NCOA6: variants seen among roughly 807,000 people sequenced by gnomAD.
NCOA6 encodes the protein nuclear receptor coactivator 6, also known as NRC RAP250.
Under a neutral mutation model 171.4 loss-of-function variants are expected in NCOA6, and 49 were observed. The ratio of observed to expected loss-of-function variants is 0.29; its 90% CI spans 0.23 to 0.36. The LOEUF (loss-of-function observed/expected upper bound fraction) is 0.36. Ranked by LOEUF, NCOA6 falls within the 10% of genes least tolerant of loss-of-function variation. The pLI is 1.00. For missense variants in NCOA6, 2,248 were observed against 2,554.5 expected (o/e 0.88, Z 2.59); for synonymous variants, 910 against 927.5 (o/e 0.98, Z 0.34).
At chr20:34,816,073 C>T (rs2078825834) in intron 1 of NCOA6, among the ~76,000 whole-genome samples, 3 of 152,194 alleles carry the variant, frequency 2.0e-5, no homozygotes, top group African/African-American at 7.2e-5. Context: ...CTCAACAAAC[C>T]AGCAAATCAG....
At chr20:34,804,164 C>A (rs1236587221) in intron 1 of NCOA6, among the ~76,000 whole-genome samples, 1 of 151,874 alleles carries the variant, frequency 6.6e-6, no homozygotes, top group African/African-American at 2.4e-5. Flanking sequence ...TGGTGAAACG[C>A]CATCACTACT....
intron 13 of NCOA6, among the ~76,000 whole-genome samples, chr20:34,730,686 T>C (rs943096627): frequency 6.6e-6 from 1 of 150,690 alleles, no homozygotes; most frequent in Non-Finnish European, 1.5e-5. Flanking sequence ...TTATTGACTA[T>C]GCTATTTAAT....
chr20:34,735,691 A>G (rs1420521845), intron 12 of NCOA6, among the ~76,000 whole-genome samples: 4 of 152,078 alleles, frequency 2.6e-5, no homozygotes, highest in Admixed American at 6.6e-5. Flanking sequence ...TAGGTGGCTG[A>G]AATGTTTTTT....
At chr20:34,806,842 C>T (rs1228638379) in intron 1 of NCOA6, among the ~76,000 whole-genome samples, 3 of 152,206 alleles carry the variant, frequency 2.0e-5, no homozygotes, top group African/African-American at 7.2e-5. Flanking sequence ...TGTACTGCCT[C>T]CAGCTTTGCT....
At chr20:34,811,207 A>G (rs1314124652) in intron 1 of NCOA6, among the ~76,000 whole-genome samples, 19 of 121,394 alleles carry the variant, frequency 1.6e-4, no homozygotes, top group South Asian at 2.8e-4. Flanking sequence ...ACGTGTATAT[A>G]TATATATATA....
Position 34,742,746 on chromosome 20 carries a change from T to C in NCOA6, c.3510A>G (p.Pro1170=). 1 of 1,614,120 alleles carries C rather than the reference T, an allele frequency of 6.2e-7. No homozygotes were observed. Among genetic ancestry groups the C allele is most frequent in the Non-Finnish European group, 8.5e-7 (1 of 1,180,012 alleles). Residue 1170 remains proline, a synonymous_variant, in exon 11 of 15, where the codon CCA becomes CCG. Coordinates refer to ENST00000359003, the MANE Select transcript of NCOA6 (RefSeq NM_014071.5). ...CACCTTGAGTTGCTGAAAGGGGCGA[T>C]GGTCCAGGTTTTGGCCCTGTCATCA... ...QLMMTGPKPG[P]SPLSATQGAT...
At chr20:34,816,132 C>T (rs2078827413) in intron 1 of NCOA6, among the ~76,000 whole-genome samples, 1 of 152,138 alleles carries the variant, frequency 6.6e-6, no homozygotes, top group African/African-American at 2.4e-5. Flanking sequence ...TTCCTATGTC[C>T]ATCATTCCTT....
In NCOA6 at chr20:34,749,645, C is replaced by T; in HGVS notation, c.2550G>A (p.Gly850=). 1.2e-6 allele frequency: 2 copies of T among 1,614,222 alleles called. No individual in the cohort carries two copies. Among genetic ancestry groups the T allele is most frequent in the Admixed American group, 1.7e-5 (1 of 60,030 alleles). The change falls in exon 9 of 15, where the codon GGG becomes GGA. Residue 850 remains glycine, a synonymous_variant. Transcript: ENST00000359003. ...SASGNHFSGH[G]MSFNAPFSGA... is the part of the protein sequence containing the mutation. ...CACTGAAAGGTGCATTGAAAGACAT[C>T]CCATGGCCTGAGAAGTGGTTTCCCG... is the stretch of plus-strand genomic sequence containing the variant.
chr20:34,765,297 A>G (rs1252331127), intron 5 of NCOA6, among the ~76,000 whole-genome samples: 1 of 146,442 alleles, frequency 6.8e-6, no homozygotes, highest in Non-Finnish European at 1.5e-5. Context: ...CTAAAAATAC[A>G]AAAAAAAAAA....
Position 34,749,996 on chromosome 20 carries a change from C to T in NCOA6, c.2199G>A (p.Gln733=), listed in dbSNP as rs767719395. ...GGGCTGGTCCCGGCATGACATTGGACTGGTTCTGAGTGTTAAACTGCTGCT... is the reference window on the plus strand; with the variant it reads ...GGGCTGGTCCCGGCATGACATTGGATTGGTTCTGAGTGTTAAACTGCTGCT... The part of the protein sequence containing the change: ...GNKQQFNTQN[Q]SNVMPGPAQI... The change falls in exon 9 of 15, where the codon CAG becomes CAA. Residue 733 remains glutamine (Q), a synonymous_variant. Coordinates refer to ENST00000359003, the MANE Select transcript of NCOA6 (RefSeq NM_014071.5). 1 of 1,614,140 alleles carries T rather than the reference C, an allele frequency of 6.2e-7. No individual in the cohort carries two copies. Among genetic ancestry groups the T allele is most frequent in the Non-Finnish European group, 8.5e-7 (1 of 1,180,062 alleles).
intron 14 of NCOA6, among the ~76,000 whole-genome samples, chr20:34,718,308 C>G (rs1600711786): frequency 6.6e-6 from 1 of 152,246 alleles, no homozygotes; most frequent in East Asian, 1.9e-4. Context: ...TAAAACCAAA[C>G]TTGGGATTTT....
chr20:34,814,168 A>AT (rs1398739262), intron 1 of NCOA6, among the ~76,000 whole-genome samples: 5 of 151,992 alleles, frequency 3.3e-5, no homozygotes, highest in Non-Finnish European at 5.9e-5. Flanking sequence ...ATGAAATACA[A>AT]AATCCCGTGA....
intron 4 of NCOA6, among the ~76,000 whole-genome samples, chr20:34,771,452 G>C (rs2077149479): frequency 6.6e-6 from 1 of 152,120 alleles, no homozygotes; most frequent in South Asian, 2.1e-4. Context: ...GAATTATTGA[G>C]ATATTTTACA....
Position 34,757,557 on chromosome 20 carries a change from G to T in NCOA6, c.1191C>A (p.Gly397=). The T allele has an allele frequency of 6.2e-7, 1 of 1,614,026 alleles. No homozygotes were observed. Among genetic ancestry groups the T allele is most frequent in the East Asian group, 2.2e-5 (1 of 44,890 alleles). The change falls in exon 7 of 15, where the codon GGC becomes GGA. Residue 397 remains glycine, a synonymous_variant. Coordinates refer to ENST00000359003, the MANE Select transcript of NCOA6 (RefSeq NM_014071.5). ...TCTTCATCTGAGGAGCTGTGAACTG[G>T]CCTGGGTTGCTCATCTGAGGAAAGT... The part of the protein sequence containing the change: ...HTNFPQMSNP[G]QFTAPQMKSL...
At chr20:34,771,574 G>A (rs893239019) in intron 4 of NCOA6, among the ~76,000 whole-genome samples, 2 of 152,190 alleles carry the variant, frequency 1.3e-5, no homozygotes, top group Non-Finnish European at 2.9e-5. Context: ...TACAGTCTGT[G>A]GCTACCAATA....
intron 5 of NCOA6, among the ~76,000 whole-genome samples, chr20:34,763,514 G>A (rs1350892069): frequency 6.6e-6 from 1 of 152,096 alleles, no homozygotes; most frequent in Non-Finnish European, 1.5e-5. Flanking sequence ...ATTTTAGAGG[G>A]AGGGAATCTA....
In NCOA6 at chr20:34,757,206, A is replaced by C; in HGVS notation, c.1528+14T>G. 1 of 1,543,008 alleles carries C rather than the reference A, an allele frequency of 6.5e-7. No homozygotes were observed. Among genetic ancestry groups the C allele is most frequent in the Middle Eastern group, 1.8e-4 (1 of 5,706 alleles). On this transcript the variant is annotated intron_variant, in intron 7 of 14. Coordinates refer to ENST00000359003, the MANE Select transcript of NCOA6 (RefSeq NM_014071.5). Reference sequence around the variant, plus strand: ...AGCAAATTTACCAACACAAATAGCTACAGTGTTCCTCACCTCCTAGGCCTG... The same window carrying C: ...AGCAAATTTACCAACACAAATAGCTCCAGTGTTCCTCACCTCCTAGGCCTG...
At position 34,757,518 on chromosome 20, in the gene NCOA6, C is replaced by A. The variant is rs2076676672; in HGVS notation, c.1230G>T (p.Gly410=). ...GCAAGGGAGTTGGGACCCTAGAGGG[C>A]CCTCCCTGCAAACTCTTCATCTGAG... ...TAPQMKSLQG[G]PSRVPTPLQQ... is the part of the protein sequence containing the mutation. The change falls in exon 7 of 15, where the codon GGG becomes GGT. Residue 410 remains glycine, a synonymous_variant. Coordinates refer to ENST00000359003, the MANE Select transcript of NCOA6 (RefSeq NM_014071.5). The A allele has an allele frequency of 1.2e-6, 2 of 1,613,820 alleles. No homozygotes were observed. The highest frequency in any genetic ancestry group is 2.7e-5 in the African/African-American group (2 of 74,876).
At chr20:34,792,401 T>C (rs2077916927) in intron 2 of NCOA6, 49 bp downstream of exon 2, 1 of 385,410 alleles carries the variant, frequency 2.6e-6, no homozygotes, top group Non-Finnish European at 4.6e-6. Flanking sequence ...AAAAAAAGAA[T>C]AAGCATTAAG....
Sources: gnomAD v4.1 joint callset for allele counts (sites outside exome capture counted in the v4.1 genomes callset) on GRCh38, gnomAD v4.1.1 for gene constraint, MANE v1.5 for transcripts, NCBI Gene and HGNC (gene_info 2026-07-23, HGNC 2026-07-21) for gene names.